C8orf34: variants seen among roughly 807,000 people sequenced by gnomAD.
The protein encoded by C8orf34 is uncharacterized protein C8orf34.
In C8orf34, 65 loss-of-function variants were observed where a neutral mutation model predicts 68.3. The observed-to-expected ratio is 0.95, with a 90% CI of 0.78 to 1.17. The LOEUF is 1.17. Among genes scored for constraint, C8orf34 ranks in the 50% most tolerant of loss-of-function variants. C8orf34 has a pLI of 0.00. For synonymous variants in C8orf34, 244 were observed against 241.2 expected (o/e 1.01, Z -0.11); for missense variants, 664 against 655.4 (o/e 1.01, Z -0.14).
chr8:68,649,176 G>A lies in C8orf34; in HGVS notation c.1241+8665G>A, dbSNP rs147913435. On this transcript the variant is annotated intron_variant, in intron 8 of 13. Transcript: ENST00000518698. ...GTTTTTCATAAAGCTGACCTCCCAGGCCTAGAGGTGTAAAAGATTCCATTT... is the reference window on the plus strand; with the variant it reads ...GTTTTTCATAAAGCTGACCTCCCAGACCTAGAGGTGTAAAAGATTCCATTT... 1.7e-4 allele frequency among the ~76,000 whole-genome samples: 26 copies of A among 152,254 alleles called. No homozygotes were observed. The East Asian group carries it at 5.0e-3, about 29-fold the overall frequency.
Position 68,779,002 on chromosome 8 carries a change from C to T in C8orf34, c.1455+2553C>T, listed in dbSNP as rs1012905839. ...AACCAGCCTGGGCAACATAGTGAGA[C>T]CCTGTCTCTACAAAAAATCAAAAAA... On this transcript the variant is annotated intron_variant, in intron 11 of 13. Transcript: ENST00000518698. Among the ~76,000 whole-genome samples, 5 of 151,878 alleles carry T rather than the reference C, an allele frequency of 3.3e-5. No individual in the cohort carries two copies. The East Asian group carries it at 5.8e-4, about 18-fold the overall frequency.
intron 9 of C8orf34, among the ~76,000 whole-genome samples, chr8:68,713,439 G>T (rs1041370949): frequency 3.3e-5 from 5 of 151,748 alleles, no homozygotes; most frequent in Non-Finnish European, 4.4e-5. Flanking sequence ...GAAGAGAGAA[G>T]ATGCAAACAA....
intron 5 of C8orf34, among the ~76,000 whole-genome samples, chr8:68,514,746 G>A (rs1424127657): frequency 6.6e-6 from 1 of 152,058 alleles, no homozygotes; most frequent in African/African-American, 2.4e-5. Flanking sequence ...TTTGTGACTG[G>A]GCTTTTGTAG....
At chr8:68,659,814 A>G (rs1819618222) in intron 8 of C8orf34, among the ~76,000 whole-genome samples, 1 of 152,032 alleles carries the variant, frequency 6.6e-6, no homozygotes, top group Non-Finnish European at 1.5e-5. Flanking sequence ...CCTCTATTCC[A>G]ATGTTACAAT....
intron 8 of C8orf34, among the ~76,000 whole-genome samples, chr8:68,652,369 A>G (rs1223668794): frequency 1.3e-5 from 2 of 152,060 alleles, no homozygotes; most frequent in African/African-American, 4.8e-5. Flanking sequence ...GAGGGTTTTC[A>G]CTTTTTTGAT....
At chr8:68,551,669 G>A (rs1269045832) in intron 7 of C8orf34, among the ~76,000 whole-genome samples, 1 of 152,086 alleles carries the variant, frequency 6.6e-6, no homozygotes, top group African/African-American at 2.4e-5. Context: ...CTTTAGCAAT[G>A]TGTAAGATGG....
At chr8:68,360,919 G>A (rs55927565) in intron 1 of C8orf34, among the ~76,000 whole-genome samples, 1,859 of 151,356 alleles carry the variant, frequency 0.012, 15 homozygotes, top group Middle Eastern at 0.024. Flanking sequence ...CACCCCCTGC[G>A]AATTTTTGTA....
chr8:68,808,765 C>A (rs368058757), intron 12 of C8orf34, among the ~76,000 whole-genome samples: 1 of 151,868 alleles, frequency 6.6e-6, no homozygotes, highest in East Asian at 1.9e-4. Flanking sequence ...TTTTAATATC[C>A]GCAGGGGTCT....
At chr8:68,628,415 G>A (rs1403261779) in intron 7 of C8orf34, among the ~76,000 whole-genome samples, 1 of 152,042 alleles carries the variant, frequency 6.6e-6, no homozygotes, top group Non-Finnish European at 1.5e-5. Flanking sequence ...AGTGAATTAT[G>A]TTTCGTTCTC....
chr8:68,728,946 T>C (rs533409536), intron 10 of C8orf34, among the ~76,000 whole-genome samples: 14 of 152,248 alleles, frequency 9.2e-5, no homozygotes, highest in South Asian at 2.1e-4. Context: ...TTGTGTGACA[T>C]TGAAATTTCT....
intron 5 of C8orf34, among the ~76,000 whole-genome samples, chr8:68,512,215 A>G (rs939353393): frequency 1.3e-5 from 2 of 152,268 alleles, no homozygotes; most frequent in African/African-American, 4.8e-5. Flanking sequence ...ACTTAACATA[A>G]CAACGTTAAT....
chr8:68,560,012 G>A (rs1037058941), intron 7 of C8orf34, among the ~76,000 whole-genome samples: 4 of 152,086 alleles, frequency 2.6e-5, no homozygotes, highest in African/African-American at 7.2e-5. Context: ...AGACAGAGGC[G>A]GAATACTGAG....
At chr8:68,333,152 T>G (rs1221788232) in intron 1 of C8orf34, among the ~76,000 whole-genome samples, 1 of 152,220 alleles carries the variant, frequency 6.6e-6, no homozygotes, top group African/African-American at 2.4e-5. Flanking sequence ...GGAATATATG[T>G]AAACTTTCTG....
intron 7 of C8orf34, among the ~76,000 whole-genome samples, chr8:68,563,442 A>G (rs983573188): frequency 7.9e-5 from 12 of 152,278 alleles, no homozygotes; most frequent in Admixed American, 2.0e-4. Context: ...CATCATAAGA[A>G]ATGGTGAGTG....
chr8:68,601,184 T>A (rs533134063), intron 7 of C8orf34, among the ~76,000 whole-genome samples: 1 of 152,098 alleles, frequency 6.6e-6, no homozygotes, highest in East Asian at 1.9e-4. Flanking sequence ...CTTTCAATAC[T>A]TTTTTTTAGT....
At chr8:68,421,954 AT>A (rs1809994558) in intron 1 of C8orf34, among the ~76,000 whole-genome samples, 1 of 152,180 alleles carries the variant, frequency 6.6e-6, no homozygotes, top group African/African-American at 2.4e-5. Context: ...AAACCATCAG[AT>A]CTTTTGAGAC....
chr8:68,768,141 C>G (rs1158250369), intron 10 of C8orf34, among the ~76,000 whole-genome samples: 1 of 152,172 alleles, frequency 6.6e-6, no homozygotes, highest in South Asian at 2.1e-4. Flanking sequence ...ATGATCATTG[C>G]TAAGCTCAAA....
chr8:68,529,991 G>C (rs1815176113), intron 6 of C8orf34, among the ~76,000 whole-genome samples: 1 of 151,920 alleles, frequency 6.6e-6, no homozygotes, highest in South Asian at 2.1e-4. Flanking sequence ...TAACTCCTAA[G>C]GGGGAAAATC....
At chr8:68,533,382 A>C (rs1815332200) in intron 7 of C8orf34, 1 of 1,222,312 alleles carries the variant, frequency 8.2e-7, no homozygotes, top group East Asian at 3.7e-5. Context: ...TGTATGCTGC[A>C]CTTTACCTTC....
Sources: gnomAD v4.1 joint callset for allele counts (sites outside exome capture counted in the v4.1 genomes callset) on GRCh38, gnomAD v4.1.1 for gene constraint, MANE v1.5 for transcripts, NCBI Gene and HGNC (gene_info 2026-07-23, HGNC 2026-07-21) for gene names.